Variants in RORB observed in about 807,000 individuals in gnomAD.
The protein encoded by RORB is RAR related orphan receptor B.
A neutral mutation model predicts 59.1 loss-of-function variants in RORB; 6 were observed. The observed-to-expected ratio is 0.10, with a 90% CI of 0.06 to 0.20. RORB has a LOEUF of 0.20. Ranked by LOEUF, RORB falls within the 10% of genes least tolerant of loss-of-function variation. The pLI is 1.00. For synonymous variants in RORB, 215 were observed against 204.5 expected (o/e 1.05, Z -0.44); for missense variants, 320 against 560.5 (o/e 0.57, Z 4.33).
intron 1 of RORB, among the ~76,000 whole-genome samples, chr9:74,523,756 G>A (rs887344286): frequency 6.6e-6 from 1 of 151,796 alleles, no homozygotes; most frequent in African/African-American, 2.4e-5. Flanking sequence ...TTTTAAACTT[G>A]ATTCTTTTAA....
chr9:74,566,034 T>C (rs1822463565), intron 1 of RORB, among the ~76,000 whole-genome samples: 1 of 152,178 alleles, frequency 6.6e-6, no homozygotes, highest in South Asian at 2.1e-4. Flanking sequence ...AGTATTAATA[T>C]GGGTGAAAAA....
At chr9:74,543,422 T>C (rs949886413) in intron 1 of RORB, among the ~76,000 whole-genome samples, 1 of 152,178 alleles carries the variant, frequency 6.6e-6, no homozygotes, top group Non-Finnish European at 1.5e-5. Context: ...TGTTTTAATT[T>C]CAAAGAATCC....
intron 1 of RORB, among the ~76,000 whole-genome samples, chr9:74,588,963 A>C (rs369548756): frequency 2.6e-5 from 4 of 152,214 alleles, no homozygotes; most frequent in South Asian, 4.1e-4. Context: ...AGAGACCCAA[A>C]AAGAAGTGAA....
chr9:74,674,677 A>G (rs1444379257), intron 9 of RORB, among the ~76,000 whole-genome samples: 1 of 152,216 alleles, frequency 6.6e-6, no homozygotes, highest in African/African-American at 2.4e-5. Context: ...GGGATTATGT[A>G]TCCTAACATT....
chr9:74,660,815 T>C, intron 5 of RORB, 77 bp downstream of exon 5: 6 of 1,448,218 alleles, frequency 4.1e-6, no homozygotes, highest in Non-Finnish European at 5.6e-6. Context: ...ACTATTGGCA[T>C]GTTGCACTGG....
At chr9:74,564,329 G>C (rs1349279394) in intron 1 of RORB, among the ~76,000 whole-genome samples, 1 of 152,130 alleles carries the variant, frequency 6.6e-6, no homozygotes, top group Non-Finnish European at 1.5e-5. Flanking sequence ...TACAGAAAAA[G>C]CAAATGAAGC....
intron 1 of RORB, among the ~76,000 whole-genome samples, chr9:74,514,114 G>T (rs150445225): frequency 5.4e-4 from 82 of 152,116 alleles, no homozygotes; most frequent in African/African-American, 1.9e-3. Context: ...AGATGACCAC[G>T]CACAATCATA....
chr9:74,683,763 ATTC>A (rs1421038719), intron 9 of RORB, among the ~76,000 whole-genome samples: 3 of 152,060 alleles, frequency 2.0e-5, no homozygotes, highest in Non-Finnish European at 4.4e-5. Flanking sequence ...TCCTCCCGCT[ATTC>A]TTCTTTGGCA....
intron 1 of RORB, among the ~76,000 whole-genome samples, chr9:74,563,900 C>T (rs1822435055): frequency 6.6e-6 from 1 of 152,132 alleles, no homozygotes; most frequent in Non-Finnish European, 1.5e-5. Context: ...AACAAGAAGC[C>T]AGAAGGCAGG....
intron 6 of RORB, among the ~76,000 whole-genome samples, chr9:74,662,865 A>G (rs1159783853): frequency 1.3e-5 from 2 of 152,160 alleles, no homozygotes; most frequent in Non-Finnish European, 2.9e-5. Context: ...CTTGACAGGC[A>G]GTGCAAGTAA....
chr9:74,625,729 C>T (rs976831836), intron 1 of RORB, among the ~76,000 whole-genome samples: 2 of 152,142 alleles, frequency 1.3e-5, no homozygotes, highest in African/African-American at 2.4e-5. Context: ...TAAAAATTCT[C>T]CTTTAGACAC....
rs908614526 is a variant in RORB, at chr9:74,688,558, A to G, written c.*2940A>G. ...AATCACTGCTTGATGCAGATGTTGC[A>G]CTGTATCCACTCAGGGATGTTTCCT... On this transcript the variant is annotated 3_prime_UTR_variant, in exon 10 of 10. Coordinates refer to ENST00000376896, the MANE Select transcript of RORB (RefSeq NM_006914.4). The G allele has an allele frequency of 6.6e-6, 1 of 151,604 alleles. No individual in the cohort carries two copies. Among genetic ancestry groups the G allele is most frequent in the Non-Finnish European group, 1.5e-5 (1 of 67,990 alleles). 9.4% of individuals were successfully genotyped at this position (151,604 alleles called of 1,614,324 possible).
At chr9:74,643,547 G>A (rs1392161666) in intron 4 of RORB, among the ~76,000 whole-genome samples, 1 of 152,122 alleles carries the variant, frequency 6.6e-6, no homozygotes. Context: ...TTACTCCATC[G>A]AACTCAGGAG....
At chr9:74,607,968 A>G (rs916327496) in intron 1 of RORB, among the ~76,000 whole-genome samples, 4 of 152,122 alleles carry the variant, frequency 2.6e-5, no homozygotes, top group Admixed American at 2.6e-4. Flanking sequence ...CGACAGGGGT[A>G]CTTGTTTTGC....
At chr9:74,573,598 T>TA (rs1180149274) in intron 1 of RORB, among the ~76,000 whole-genome samples, 3 of 152,078 alleles carry the variant, frequency 2.0e-5, no homozygotes, top group Non-Finnish European at 2.9e-5. Context: ...GCTAATGACT[T>TA]ACACTGCTTC....
chr9:74,517,882 A>G (rs1271132311), intron 1 of RORB, among the ~76,000 whole-genome samples: 1 of 152,048 alleles, frequency 6.6e-6, no homozygotes, highest in Admixed American at 6.6e-5. Flanking sequence ...TGTGCTAAAT[A>G]CTTCATGTGA....
intron 1 of RORB, among the ~76,000 whole-genome samples, chr9:74,616,819 G>A (rs1055555199): frequency 6.6e-6 from 1 of 151,648 alleles, no homozygotes; most frequent in African/African-American, 2.4e-5. Flanking sequence ...CGATTTTAGG[G>A]GTTTATGTGC....
At chr9:74,537,330 G>T (rs1826335294) in intron 1 of RORB, among the ~76,000 whole-genome samples, 1 of 151,910 alleles carries the variant, frequency 6.6e-6, no homozygotes, top group Non-Finnish European at 1.5e-5. Context: ...TGAAAGCAAA[G>T]ACTTTTTCTG....
intron 1 of RORB, among the ~76,000 whole-genome samples, chr9:74,621,521 G>A (rs539527060): frequency 1.6e-4 from 25 of 152,290 alleles, no homozygotes; most frequent in African/African-American, 5.5e-4. Flanking sequence ...TCCAGTTTTG[G>A]GTAATTATGA....
Sources: allele counts gnomAD v4.1 joint callset (sites outside exome capture counted in the v4.1 genomes callset), GRCh38; gene constraint gnomAD v4.1.1; transcripts MANE v1.5; gene names NCBI Gene and HGNC (gene_info 2026-07-23, HGNC 2026-07-21).